MAP3K20: variants seen among roughly 807,000 people sequenced by gnomAD.
MAP3K20 encodes the protein HCCS-4.
In MAP3K20, 40 loss-of-function variants were observed where a neutral mutation model predicts 85.7. The ratio of observed to expected loss-of-function variants is 0.47; its 90% CI spans 0.36 to 0.61. The LOEUF is 0.61. MAP3K20 is among the 20% of genes least tolerant of loss of function. The probability of loss-of-function intolerance (pLI) is 0.00; values close to 1 mark genes in which losing one functional copy is unlikely to be tolerated. For missense variants in MAP3K20, 817 were observed against 961.7 expected, an observed-to-expected ratio of 0.85 and a Z score of 1.99; for synonymous variants, 325 against 327.7, an observed-to-expected ratio of 0.99 and a Z score of 0.09.
chr2:173,092,810 A>G (rs920126124), intron 2 of MAP3K20, among the ~76,000 whole-genome samples: 15 of 152,208 alleles, frequency 9.9e-5, no homozygotes, highest in African/African-American at 3.4e-4. Context: ...GGATACCTAC[A>G]TAATACCTTT....
chr2:173,107,889 G>A (rs2106168569), intron 2 of MAP3K20, among the ~76,000 whole-genome samples: 1 of 152,294 alleles, frequency 6.6e-6, no homozygotes, highest in African/African-American at 2.4e-5. Flanking sequence ...GCAGCAGACA[G>A]TCGGAACATA....
At chr2:173,246,886 T>C (rs1478801355) in intron 16 of MAP3K20, among the ~76,000 whole-genome samples, 1 of 152,086 alleles carries the variant, frequency 6.6e-6, no homozygotes, top group African/African-American at 2.4e-5. Context: ...GGTCCTTAAA[T>C]AAAGACCAGG....
At chr2:173,143,895 ATTAT>A (rs1008206923) in intron 2 of MAP3K20, among the ~76,000 whole-genome samples, 119 of 152,016 alleles carry the variant, frequency 7.8e-4, no homozygotes, top group Non-Finnish European at 1.3e-3. Context: ...GTAAAAAAAA[ATTAT>A]TTACATTAGC....
At chr2:173,128,312 C>CTTATTTATTTATTTATTTAT (rs59187122) in intron 2 of MAP3K20, among the ~76,000 whole-genome samples, 2 of 145,828 alleles carry the variant, frequency 1.4e-5, no homozygotes, top group African/African-American at 5.1e-5. Context: ...TTATAGTTGA[C>CTTATTTATTTATTTATTTAT]TTATTTATTT....
chr2:173,169,362 A>C (rs557588933), intron 2 of MAP3K20, among the ~76,000 whole-genome samples: 15 of 152,164 alleles, frequency 9.9e-5, no homozygotes, highest in Non-Finnish European at 2.2e-4. Flanking sequence ...TCAACTTTCA[A>C]GAAAGACAGC....
Position 173,219,850 on chromosome 2 carries a change from C to T in MAP3K20, c.987+2600C>T, listed in dbSNP as rs370612150. Among the ~76,000 whole-genome samples, 317 of 152,090 alleles carry T rather than the reference C, an allele frequency of 2.1e-3. 7 individuals are homozygous for T. In the South Asian group the frequency reaches 0.055, roughly 26 times the overall value. On this transcript the variant is annotated intron_variant, in intron 11 of 19. Transcript: ENST00000375213. ...TTGGGAGGCTGAGGGGGGTGGATCA[C>T]GAGGTCAGGCGTTCAAGACCAGCCT...
intron 3 of MAP3K20, among the ~76,000 whole-genome samples, chr2:173,173,472 C>T (rs879394385): frequency 2.6e-5 from 4 of 152,218 alleles, no homozygotes; most frequent in East Asian, 1.9e-4. Context: ...CTCTATTACT[C>T]GTCTAAGAGA....
At chr2:173,098,906 A>G (rs955630139) in intron 2 of MAP3K20, among the ~76,000 whole-genome samples, 12 of 152,156 alleles carry the variant, frequency 7.9e-5, no homozygotes, top group African/African-American at 2.4e-4. Context: ...CCCCACACCA[A>G]ATGAGTCAGA....
chr2:173,094,488 C>T (rs1273991108), intron 2 of MAP3K20, among the ~76,000 whole-genome samples: 1 of 152,152 alleles, frequency 6.6e-6, no homozygotes, highest in Non-Finnish European at 1.5e-5. Flanking sequence ...CTTTTGATGG[C>T]AATTTTTCCA....
At chr2:173,112,282 T>C (rs971866448) in intron 2 of MAP3K20, among the ~76,000 whole-genome samples, 2 of 152,160 alleles carry the variant, frequency 1.3e-5, no homozygotes, top group Non-Finnish European at 2.9e-5. Context: ...TTGCTGAATC[T>C]TTTGTCAGTT....
At chr2:173,123,265 A>G (rs932175253) in intron 2 of MAP3K20, among the ~76,000 whole-genome samples, 5 of 152,188 alleles carry the variant, frequency 3.3e-5, no homozygotes, top group Admixed American at 2.0e-4. Flanking sequence ...AGGTGCATCT[A>G]TATCCATGAA....
intron 11 of MAP3K20, among the ~76,000 whole-genome samples, chr2:173,228,461 C>A (rs1684443147): frequency 6.6e-6 from 1 of 152,186 alleles, no homozygotes; most frequent in South Asian, 2.1e-4. Context: ...GTGAATACAT[C>A]TGTCTATGGT....
intron 1 of MAP3K20, among the ~76,000 whole-genome samples, chr2:173,078,473 A>G (rs1484041637): frequency 6.6e-6 from 1 of 152,328 alleles, no homozygotes; most frequent in East Asian, 1.9e-4. Flanking sequence ...CTAGACACAA[A>G]TAAGCAGAGT....
chr2:173,242,790 T>A (rs1412921994), intron 16 of MAP3K20, among the ~76,000 whole-genome samples: 1 of 136,220 alleles, frequency 7.3e-6, no homozygotes, highest in African/African-American at 2.7e-5. Flanking sequence ...CACTGCAACC[T>A]CCGCCTCCCA....
At chr2:173,183,068 G>C in intron 4 of MAP3K20, 113 bp downstream of exon 4, 1 of 795,760 alleles carries the variant, frequency 1.3e-6, no homozygotes, top group South Asian at 1.9e-5. Flanking sequence ...TCTTTTTCCA[G>C]ACCAAAAGTA....
At chr2:173,091,687 A>G (rs1339343793) in intron 2 of MAP3K20, among the ~76,000 whole-genome samples, 1 of 152,170 alleles carries the variant, frequency 6.6e-6, no homozygotes, top group Non-Finnish European at 1.5e-5. Flanking sequence ...TAAGGCTAAC[A>G]GTGATGGTCT....
At chr2:173,141,093 T>G (rs1411098359) in intron 2 of MAP3K20, among the ~76,000 whole-genome samples, 1 of 152,214 alleles carries the variant, frequency 6.6e-6, no homozygotes. Flanking sequence ...CTTTTTGAAC[T>G]TAGTATACTG....
At chr2:173,245,998 C>A (rs528289630) in intron 16 of MAP3K20, among the ~76,000 whole-genome samples, 4 of 152,314 alleles carry the variant, frequency 2.6e-5, no homozygotes, top group African/African-American at 9.6e-5. Flanking sequence ...ATCAAACTGG[C>A]AGAAATTGTG....
At chr2:173,135,833 T>C (rs1397699838) in intron 2 of MAP3K20, among the ~76,000 whole-genome samples, 2 of 152,258 alleles carry the variant, frequency 1.3e-5, no homozygotes, top group African/African-American at 4.8e-5. Flanking sequence ...TTCCTTGATA[T>C]GAGTGACAAC....
Sources: allele counts gnomAD v4.1 joint callset (sites outside exome capture counted in the v4.1 genomes callset), GRCh38; gene constraint gnomAD v4.1.1; transcripts MANE v1.5; gene names NCBI Gene and HGNC (gene_info 2026-07-23, HGNC 2026-07-21).